SYT14: variants seen among roughly 807,000 people sequenced by gnomAD.
SYT14 encodes synaptotagmin 14.
In SYT14, 32 loss-of-function variants were observed where a neutral mutation model predicts 74.2. The ratio of observed to expected loss-of-function variants is 0.43; its 90% CI spans 0.33 to 0.58. The LOEUF is 0.58. Ranked by LOEUF, SYT14 falls within the 20% of genes least tolerant of loss-of-function variation. The pLI, the probability that SYT14 is intolerant of heterozygous loss-of-function variation, is 0.05. For synonymous variants in SYT14, 298 were observed against 337.7 expected, an observed-to-expected ratio of 0.88 and a Z score of 1.29; for missense variants, 791 against 981.8, an observed-to-expected ratio of 0.81 and a Z score of 2.60.
At chr1:209,962,928 T>G (rs755568217) in intron 2 of SYT14, among the ~76,000 whole-genome samples, 10 of 152,152 alleles carry the variant, frequency 6.6e-5, no homozygotes, top group Non-Finnish European at 1.5e-4. Context: ...CTGTATGAGT[T>G]GGAGTTTTGC....
intron 5 of SYT14, among the ~76,000 whole-genome samples, chr1:210,077,484 C>T (rs1483281270): frequency 1.3e-5 from 2 of 152,174 alleles, no homozygotes; most frequent in African/African-American, 2.4e-5. Flanking sequence ...GTTTATCGTT[C>T]ATCACTTGAT....
rs193047438 is a variant in SYT14 at position 210,112,761 on chromosome 1, C to G, written c.2034+12300C>G. ...TTAAAGAGGCATTAATGATGGAGGA[C>G]CCTTGCGTAGTGAGGAAACTTCTTT... On this transcript the variant is annotated intron_variant, in intron 7 of 9. Transcript: ENST00000637265. Among the ~76,000 whole-genome samples the G allele has an allele frequency of 1.3e-5, 2 of 151,208 alleles. 1 individual carries two copies. Among genetic ancestry groups the G allele is most frequent in the African/African-American group, 4.9e-5 (2 of 40,546 alleles).
intron 2 of SYT14, among the ~76,000 whole-genome samples, chr1:210,005,042 A>G (rs1039678672): frequency 1.3e-5 from 2 of 151,964 alleles, no homozygotes; most frequent in African/African-American, 4.8e-5. Context: ...GGACTCATTT[A>G]TTTAGTGGAT....
At chr1:209,994,305 A>C (rs1008731437) in intron 2 of SYT14, among the ~76,000 whole-genome samples, 1 of 152,292 alleles carries the variant, frequency 6.6e-6, no homozygotes, top group African/African-American at 2.4e-5. Context: ...AACCAACTGA[A>C]CTTCTAGACC....
At chr1:210,087,440 G>C (rs772848129) in intron 5 of SYT14, among the ~76,000 whole-genome samples, 4 of 152,066 alleles carry the variant, frequency 2.6e-5, no homozygotes, top group Non-Finnish European at 5.9e-5. Context: ...CTGCACATTA[G>C]GTTGCTCTCC....
chr1:210,137,810 A>T (rs2082821690), intron 7 of SYT14, among the ~76,000 whole-genome samples: 1 of 151,556 alleles, frequency 6.6e-6, no homozygotes. Flanking sequence ...CTTCCTGAGT[A>T]GATGGAATTA....
intron 5 of SYT14, among the ~76,000 whole-genome samples, chr1:210,034,680 G>T (rs971579269): frequency 4.0e-5 from 6 of 151,608 alleles, no homozygotes; most frequent in Non-Finnish European, 7.4e-5. Flanking sequence ...TACACTCTCT[G>T]TGTGTAAATA....
chr1:210,162,875 G>A (rs577998170), exon 10 of SYT14: 10 of 453,350 alleles, frequency 2.2e-5, no homozygotes, highest in South Asian at 1.6e-4. Context: ...GTGTTACAGG[G>A]CTGCATTAAA....
At chr1:210,127,808 C>A (rs2082596897) in intron 7 of SYT14, among the ~76,000 whole-genome samples, 1 of 150,290 alleles carries the variant, frequency 6.7e-6, no homozygotes, top group Non-Finnish European at 1.5e-5. Context: ...GGTGGATCAC[C>A]TGAGGTCAGT....
chr1:210,100,372 G>T, exon 7 of SYT14: 8 of 1,613,820 alleles, frequency 5.0e-6, no homozygotes, highest in Non-Finnish European at 6.8e-6. Context: ...AGAAAAGATT[G>T]TGGGGGAAAA....
chr1:210,061,137 A>G (rs114382729), intron 5 of SYT14, among the ~76,000 whole-genome samples: 1,880 of 151,724 alleles, frequency 0.012, 19 homozygotes, highest in Non-Finnish European at 0.017. Context: ...CTTTTTCTCT[A>G]TCCCATTAAT....
chr1:210,158,374 T>C (rs1484098511), intron 8 of SYT14, among the ~76,000 whole-genome samples: 1 of 152,216 alleles, frequency 6.6e-6, no homozygotes, highest in African/African-American at 2.4e-5. Flanking sequence ...AGCACTGTGT[T>C]GGATAAATAG....
intron 5 of SYT14, among the ~76,000 whole-genome samples, chr1:210,040,414 T>C (rs2080763055): frequency 2.0e-5 from 3 of 151,962 alleles, no homozygotes. Flanking sequence ...AAATACCTAA[T>C]GTAGAAGACG....
At chr1:210,086,178 G>A (rs1014494660) in intron 5 of SYT14, among the ~76,000 whole-genome samples, 1 of 152,094 alleles carries the variant, frequency 6.6e-6, no homozygotes, top group Non-Finnish European at 1.5e-5. Flanking sequence ...ATTTTATCAG[G>A]TGGGGTACAA....
chr1:210,040,994 G>A (rs1036147571), intron 5 of SYT14, among the ~76,000 whole-genome samples: 15 of 152,168 alleles, frequency 9.9e-5, no homozygotes, highest in African/African-American at 3.1e-4. Context: ...GGTGCCTGTG[G>A]TGGCTTCCAT....
chr1:209,938,322 G>C lies in SYT14; in HGVS notation c.-534+45G>C, dbSNP rs778886471. The C allele has an allele frequency of 2.0e-6, 3 of 1,534,598 alleles. 1 individual carries two copies. In the South Asian group the frequency reaches 3.5e-5, roughly 18 times the overall value. On this transcript the variant is annotated intron_variant, in intron 1 of 9. Coordinates refer to ENST00000637265, the Ensembl canonical transcript of SYT14. ...GGGGAGCGAGGACCGGGACCACCCA[G>C]CTGGCGGGGGGCTCGGAGGTGCGCC...
chr1:209,974,980 A>C (rs2079330949), intron 2 of SYT14, among the ~76,000 whole-genome samples: 1 of 152,098 alleles, frequency 6.6e-6, no homozygotes, highest in Non-Finnish European at 1.5e-5. Flanking sequence ...AGCAATTGTG[A>C]ATGGGAGTTC....
intron 5 of SYT14, among the ~76,000 whole-genome samples, chr1:210,060,531 A>G (rs894772566): frequency 1.3e-5 from 2 of 152,104 alleles, no homozygotes; most frequent in Non-Finnish European, 2.9e-5. Context: ...CTGTATTACA[A>G]ATATTCCAAA....
intron 5 of SYT14, among the ~76,000 whole-genome samples, chr1:210,061,359 G>A (rs943782946): frequency 2.0e-4 from 30 of 151,864 alleles, no homozygotes; most frequent in African/African-American, 6.3e-4. Flanking sequence ...AAATATATGC[G>A]TTTATTCTTG....
Sources: gnomAD v4.1 joint callset for allele counts (sites outside exome capture counted in the v4.1 genomes callset) on GRCh38, gnomAD v4.1.1 for gene constraint, MANE v1.5 for transcripts, NCBI Gene and HGNC (gene_info 2026-07-23, HGNC 2026-07-21) for gene names.